EPC1: variants seen among roughly 807,000 people sequenced by gnomAD.
The protein encoded by EPC1 is enhancer of polycomb homolog 1.
A neutral mutation model predicts 98.4 loss-of-function variants in EPC1; 12 were observed. That is an observed-to-expected ratio of 0.12 (90% CI 0.08 to 0.20). EPC1 has a LOEUF of 0.20. Ranked by LOEUF, EPC1 falls within the 10% of genes least tolerant of loss-of-function variation. The pLI is 1.00. For missense variants in EPC1, 729 were observed against 990.5 expected, an observed-to-expected ratio of 0.74 and a Z score of 3.54; for synonymous variants, 357 against 363.9, an observed-to-expected ratio of 0.98 and a Z score of 0.21.
At chr10:32,282,691 C>T (rs781514656) in intron 10 of EPC1, 8 of 152,054 alleles carry the variant, frequency 5.3e-5, no homozygotes, top group Non-Finnish European at 1.0e-4. Flanking sequence ...ATTAATATGC[C>T]TAAAGCAGTA....
At chr10:32,331,397 T>C (rs920552047) in intron 1 of EPC1, among the ~76,000 whole-genome samples, 1 of 151,776 alleles carries the variant, frequency 6.6e-6, no homozygotes, top group Admixed American at 6.6e-5. Context: ...GCAGGTAATA[T>C]GGTAACTACA....
chr10:32,275,607 A>C (rs1202476929), intron 10 of EPC1, among the ~76,000 whole-genome samples: 3 of 151,962 alleles, frequency 2.0e-5, no homozygotes, highest in Admixed American at 6.6e-5. Flanking sequence ...TCTACCAAAA[A>C]AAAAAAACAA....
chr10:32,296,314 C>T (rs761246600), intron 2 of EPC1, among the ~76,000 whole-genome samples: 1 of 152,144 alleles, frequency 6.6e-6, no homozygotes, highest in Non-Finnish European at 1.5e-5. Context: ...TTCTTTAGAT[C>T]GTATCACATG....
chr10:32,352,997 A>C (rs1839157826), intron 1 of EPC1, among the ~76,000 whole-genome samples: 1 of 152,096 alleles, frequency 6.6e-6, no homozygotes. Flanking sequence ...CTCTACTAAA[A>C]ATATAAAATT....
chr10:32,282,819 C>T (rs1366767579), intron 10 of EPC1: 2 of 152,122 alleles, frequency 1.3e-5, no homozygotes, highest in Non-Finnish European at 2.9e-5. Context: ...TGGAACATGC[C>T]TATTTTCTGA....
chr10:32,335,660 AAGTCAC>A (rs1203163460), intron 1 of EPC1, among the ~76,000 whole-genome samples: 1 of 152,166 alleles, frequency 6.6e-6, no homozygotes, highest in Non-Finnish European at 1.5e-5. Context: ...TACACTCTTT[AAGTCAC>A]AGTCACAGTG....
chr10:32,324,979 G>A lies in EPC1; in HGVS notation c.154-19048C>T, dbSNP rs563790251. Among the ~76,000 whole-genome samples, 144 of 152,192 alleles carry A rather than the reference G, an allele frequency of 9.5e-4. 1 individual carries two copies. Among genetic ancestry groups the A allele is most frequent in the African/African-American group, 3.2e-3 (133 of 41,526 alleles). The stretch of plus-strand genomic sequence containing the variant: ...CCTGCCACTGCTCTCCAGCCAGGGC[G>A]ACAGAGTGAGACTCTGTCTCAAAAG... On this transcript the variant is annotated intron_variant, in intron 1 of 13. Coordinates refer to ENST00000319778, the MANE Select transcript of EPC1 (RefSeq NM_001272004.3).
intron 6 of EPC1, among the ~76,000 whole-genome samples, chr10:32,288,394 A>C (rs113351981): frequency 6.8e-6 from 1 of 147,932 alleles, no homozygotes; most frequent in East Asian, 2.0e-4. Flanking sequence ...AGCACACTGC[A>C]ATCTCCGCCT....
At chr10:32,343,803 G>A (rs1208474915) in intron 1 of EPC1, among the ~76,000 whole-genome samples, 2 of 151,906 alleles carry the variant, frequency 1.3e-5, no homozygotes, top group Non-Finnish European at 2.9e-5. Context: ...GGGAATACAC[G>A]AATAATACTT....
chr10:32,300,883 A>AG (rs1337196527), intron 2 of EPC1, among the ~76,000 whole-genome samples: 1 of 152,100 alleles, frequency 6.6e-6, no homozygotes, highest in Non-Finnish European at 1.5e-5. Flanking sequence ...AAGATGTTAC[A>AG]GGGCCATCTT....
At chr10:32,353,016 G>A (rs1013450393) in intron 1 of EPC1, among the ~76,000 whole-genome samples, 9 of 152,206 alleles carry the variant, frequency 5.9e-5, no homozygotes, top group South Asian at 2.1e-4. Flanking sequence ...TTAGCTGGGC[G>A]TGGTGGCACA....
chr10:32,368,143 CA>C (rs1156677715), intron 1 of EPC1, among the ~76,000 whole-genome samples: 3 of 152,230 alleles, frequency 2.0e-5, no homozygotes, highest in Admixed American at 2.0e-4. Context: ...AATGGGTTAA[CA>C]GACAAATAAA....
intron 2 of EPC1, 89 bp downstream of exon 2, chr10:32,305,683 C>A (rs571170986): frequency 4.4e-6 from 5 of 1,133,336 alleles, no homozygotes; most frequent in Non-Finnish European, 1.2e-6. Flanking sequence ...AAACAAATAA[C>A]AAAAACGCTC....
chr10:32,352,322 C>T (rs763171084), intron 1 of EPC1, among the ~76,000 whole-genome samples: 21 of 152,034 alleles, frequency 1.4e-4, no homozygotes, highest in Non-Finnish European at 2.5e-4. Context: ...GCTGGGATTA[C>T]AGGAGTGAGC....
rs539913937 is a variant in EPC1, at chr10:32,361,020, A to T, written c.3+17471T>A. 7.9e-5 allele frequency among the ~76,000 whole-genome samples: 12 copies of T among 152,380 alleles called. No individual in the cohort carries two copies. The South Asian group carries it at 2.5e-3, about 32-fold the overall frequency. On this transcript the variant is annotated intron_variant, in intron 1 of 13. Coordinates refer to the EPC1 transcript ENST00000375110. ...AAAAACATGCTTGTAACAAAGGCCA[A>T]GGGAGCACTCTCCAAGGCAACTTAA...
chr10:32,310,275 C>T (rs867036476), intron 1 of EPC1, among the ~76,000 whole-genome samples: 1 of 152,196 alleles, frequency 6.6e-6, no homozygotes, highest in Non-Finnish European at 1.5e-5. Flanking sequence ...AGTTTACTAA[C>T]TCTATGACTT....
In EPC1 at chr10:32,347,157, G is replaced by C; in HGVS notation, c.-242C>G. On this transcript the variant is annotated 5_prime_UTR_variant, in exon 1 of 14. Coordinates refer to ENST00000319778, the MANE Select transcript of EPC1 (RefSeq NM_001272004.3). ...ACATGGCGGACATTAAAACTCCACT[G>C]TGCGCTCTTCAGCCAACCCCAGCCA... The C allele has an allele frequency of 7.2e-7, 1 of 1,397,762 alleles. No homozygotes were observed. Among genetic ancestry groups the C allele is most frequent in the Non-Finnish European group, 9.3e-7 (1 of 1,079,288 alleles). 86.6% of individuals were successfully genotyped at this position (1,397,762 alleles called of 1,614,324 possible).
chr10:32,305,679 A>G (rs1835837108), intron 2 of EPC1, 93 bp downstream of exon 2: 2 of 1,074,096 alleles, frequency 1.9e-6, no homozygotes, highest in Non-Finnish European at 2.5e-6. Context: ...AATGAAACAA[A>G]TAACAAAAAC....
At chr10:32,352,188 G>T (rs937038215) in intron 1 of EPC1, among the ~76,000 whole-genome samples, 3 of 151,382 alleles carry the variant, frequency 2.0e-5, no homozygotes, top group Non-Finnish European at 2.9e-5. Flanking sequence ...GGGACTACAG[G>T]CACCTGCCAC....
Sources: gnomAD v4.1 joint callset for allele counts (sites outside exome capture counted in the v4.1 genomes callset) on GRCh38, gnomAD v4.1.1 for gene constraint, MANE v1.5 for transcripts, NCBI Gene and HGNC (gene_info 2026-07-23, HGNC 2026-07-21) for gene names.